ZMYM2: variants seen among roughly 807,000 people sequenced by gnomAD.
ZMYM2 encodes the protein zinc finger MYM-type containing 2, also known as zinc finger MYM-type protein 2.
ZMYM2 carries 56 observed loss-of-function variants against 162.8 expected under a neutral mutation model. The ratio of observed to expected loss-of-function variants is 0.34; its 90% CI spans 0.28 to 0.43. ZMYM2 has a LOEUF of 0.43. Ranked by LOEUF, ZMYM2 falls within the 20% of genes least tolerant of loss-of-function variation. The pLI, the probability that ZMYM2 is intolerant of heterozygous loss-of-function variation, is 1.00. For synonymous variants in ZMYM2, 510 were observed against 541.6 expected, an observed-to-expected ratio of 0.94 and a Z score of 0.81; for missense variants, 1,275 against 1,621.8, an observed-to-expected ratio of 0.79 and a Z score of 3.67.
At position 20,062,828 on chromosome 13, in the gene ZMYM2, A is replaced by AAT. The variant is rs1221923533; in HGVS notation, c.2912-15_2912-14dup. 1.3e-6 allele frequency: 2 copies of AAT among 1,546,410 alleles called. No homozygotes were observed. Among genetic ancestry groups the AAT allele is most frequent in the East Asian group, 4.7e-5 (2 of 42,922 alleles). On this transcript the variant is annotated splice_polypyrimidine_tract_variant and intron_variant, in intron 17 of 24. Coordinates refer to ENST00000610343, the MANE Select transcript of ZMYM2 (RefSeq NM_197968.4). ...GTTTTCTGTTTTGATTCCTAATGAT[A>AAT]ATATGGATTGATTTCAGGTGTAATT...
intron 5 of ZMYM2, 46 bp from the exon 6 acceptor site, chr13:20,006,328 T>A (rs1950747149): frequency 6.6e-7 from 1 of 1,504,774 alleles, no homozygotes; most frequent in Non-Finnish European, 9.0e-7. Context: ...TTTAGCTACT[T>A]GTCAGATTGA....
the ZMYM2 span, among the ~76,000 whole-genome samples, chr13:19,868,214 T>C: frequency 1.3e-5 from 2 of 152,228 alleles, no homozygotes; most frequent in Non-Finnish European, 2.9e-5. Context: ...ATTTTTATTT[T>C]TATATCAACA....
intron 21 of ZMYM2, among the ~76,000 whole-genome samples, chr13:20,072,629 A>G (rs1184521157): frequency 2.0e-5 from 3 of 152,332 alleles, no homozygotes; most frequent in African/African-American, 7.2e-5. Context: ...TAAATATGCA[A>G]TAGAATTCAC....
At chr13:19,937,114 T>A in the ZMYM2 span, among the ~76,000 whole-genome samples, 4 of 152,056 alleles carry the variant, frequency 2.6e-5, no homozygotes, top group South Asian at 6.2e-4. Flanking sequence ...AAAAAAATTT[T>A]AAAAATATAT....
the ZMYM2 span, among the ~76,000 whole-genome samples, chr13:19,876,307 C>A: frequency 6.6e-6 from 1 of 151,948 alleles, no homozygotes; most frequent in Non-Finnish European, 1.5e-5. Flanking sequence ...GGATTACATG[C>A]GTGAGCCACT....
chr13:19,948,379 G>T, the ZMYM2 span, among the ~76,000 whole-genome samples: 1 of 152,136 alleles, frequency 6.6e-6, no homozygotes, highest in East Asian at 1.9e-4. Context: ...ATGGATAAAT[G>T]AACTGTGGTA....
intron 2 of ZMYM2, among the ~76,000 whole-genome samples, chr13:19,972,318 T>C (rs941257405): frequency 1.3e-5 from 2 of 152,204 alleles, no homozygotes; most frequent in Non-Finnish European, 2.9e-5. Flanking sequence ...ATAATTTATG[T>C]TATCTGTCTT....
At chr13:19,951,330 A>T in the ZMYM2 span, among the ~76,000 whole-genome samples, 1 of 152,102 alleles carries the variant, frequency 6.6e-6, no homozygotes, top group Non-Finnish European at 1.5e-5. Context: ...CATATGTCTG[A>T]TAAGAGGTTA....
At chr13:20,028,134 CTTA>C (rs1308215439) in intron 9 of ZMYM2, 1 of 166,456 alleles carries the variant, frequency 6.0e-6, no homozygotes, top group Non-Finnish European at 1.3e-5. Flanking sequence ...TACTATATCA[CTTA>C]TTAGTATTTA....
the ZMYM2 span, among the ~76,000 whole-genome samples, chr13:19,921,454 G>A: frequency 6.6e-6 from 1 of 151,986 alleles, no homozygotes; most frequent in East Asian, 1.9e-4. Context: ...TTTTCTTTTT[G>A]TTTTGTTTTG....
intron 6 of ZMYM2, among the ~76,000 whole-genome samples, chr13:20,013,047 G>A (rs1480731459): frequency 6.6e-6 from 1 of 152,190 alleles, no homozygotes; most frequent in Non-Finnish European, 1.5e-5. Flanking sequence ...GCTTTGGGTA[G>A]TATTGACATC....
intron 1 of ZMYM2, among the ~76,000 whole-genome samples, chr13:19,959,653 TGCTG>T (rs1954958658): frequency 6.6e-6 from 1 of 152,112 alleles, no homozygotes; most frequent in Non-Finnish European, 1.5e-5. Flanking sequence ...ACAAATCCCT[TGCTG>T]GCGTCGAGGC....
intron 12 of ZMYM2, among the ~76,000 whole-genome samples, chr13:20,047,287 AT>A (rs1954915131): frequency 1.3e-5 from 2 of 152,256 alleles, no homozygotes; most frequent in South Asian, 4.1e-4. Flanking sequence ...CCCCCCATGC[AT>A]TCCTTCTATT....
the ZMYM2 span, among the ~76,000 whole-genome samples, chr13:19,912,684 T>G: frequency 6.6e-6 from 1 of 152,248 alleles, no homozygotes; most frequent in African/African-American, 2.4e-5. Flanking sequence ...ATTACATTGG[T>G]CCATTACATT....
chr13:19,971,622 T>C (rs924097299), intron 2 of ZMYM2, among the ~76,000 whole-genome samples: 3 of 151,984 alleles, frequency 2.0e-5, no homozygotes, highest in Admixed American at 6.6e-5. Context: ...GTAAGTAATA[T>C]CAGTATTCCA....
At chr13:19,877,211 C>CAAAA in the ZMYM2 span, among the ~76,000 whole-genome samples, 18 of 126,496 alleles carry the variant, frequency 1.4e-4, no homozygotes, top group African/African-American at 4.9e-4. Context: ...GACTCCGTCT[C>CAAAA]AAAAAAAAAA....
At chr13:19,963,444 G>C (rs547265441) in intron 2 of ZMYM2, among the ~76,000 whole-genome samples, 13 of 152,276 alleles carry the variant, frequency 8.5e-5, no homozygotes, top group African/African-American at 2.9e-4. Flanking sequence ...CCATGAATTT[G>C]AGTGCAGCAA....
At chr13:20,071,379 G>A (rs1957075645) in intron 21 of ZMYM2, among the ~76,000 whole-genome samples, 1 of 152,232 alleles carries the variant, frequency 6.6e-6, no homozygotes, top group Non-Finnish European at 1.5e-5. Context: ...AGCAGCGAAA[G>A]CAGAAATTTG....
At chr13:19,876,511 C>T in the ZMYM2 span, among the ~76,000 whole-genome samples, 3 of 151,970 alleles carry the variant, frequency 2.0e-5, no homozygotes, top group East Asian at 1.9e-4. Flanking sequence ...TTGGTAGAGA[C>T]GGGGTTTCAC....
Sources: allele counts gnomAD v4.1 joint callset (sites outside exome capture counted in the v4.1 genomes callset), GRCh38; gene constraint gnomAD v4.1.1; transcripts MANE v1.5; gene names NCBI Gene and HGNC (gene_info 2026-07-23, HGNC 2026-07-21).